GOLGB1: variants seen among roughly 807,000 people sequenced by gnomAD.
GOLGB1 encodes the protein golgin subfamily B member 1.
Under a neutral mutation model 336.9 loss-of-function variants are expected in GOLGB1, and 174 were observed. That is an observed-to-expected ratio of 0.52 (90% CI 0.46 to 0.59). The LOEUF is 0.59. Ranked by LOEUF, GOLGB1 falls within the 20% of genes least tolerant of loss-of-function variation. GOLGB1 has a pLI of 0.00. For synonymous variants in GOLGB1, 1,208 were observed against 1,289.2 expected, an observed-to-expected ratio of 0.94 and a Z score of 1.35; for missense variants, 3,331 against 3,645.3, an observed-to-expected ratio of 0.91 and a Z score of 2.22.
rs1053577076 is a variant in GOLGB1 at position 121,663,875 on chromosome 3, G to C, written c.*605C>G. On this transcript the variant is annotated 3_prime_UTR_variant, in exon 22 of 22. Coordinates refer to ENST00000614479, the MANE Select transcript of GOLGB1 (RefSeq NM_001366282.2). The stretch of plus-strand genomic sequence containing the variant: ...TGAAATTCTCCCTCCAATTATATCT[G>C]AAATTGGCAGGGAAGAAGATGCTGT... 6.5e-6 allele frequency: 1 copy of C among 153,260 alleles called. No individual in the cohort carries two copies. The highest frequency in any genetic ancestry group is 6.4e-5 in the Admixed American group (1 of 15,528). 9.5% of individuals were successfully genotyped at this position (153,260 alleles called of 1,614,324 possible).
In GOLGB1 at chr3:121,726,929, G is replaced by T. The variant is rs1238381839; in HGVS notation, c.515C>A (p.Ala172Glu). 2.5e-6 allele frequency: 4 copies of T among 1,601,348 alleles called. No homozygotes were observed. Among genetic ancestry groups the T allele is most frequent in the South Asian group, 1.1e-5 (1 of 89,554 alleles). The change falls in exon 5 of 22, where the codon GCA becomes GAA. Residue 172 changes from alanine (A) to glutamate (E), a missense_variant. Coordinates refer to ENST00000614479, the MANE Select transcript of GOLGB1 (RefSeq NM_001366282.2). ...CACCCCTACCTGTGCAGGTTGTTCT[G>T]CCTGTGCCTGAGTAAGCTGGGCTTG... The part of the protein sequence containing the change: ...TLQAQLTQAQ[A>E]EQPAQSSTEM...
intron 10 of GOLGB1, among the ~76,000 whole-genome samples, chr3:121,703,617 CCTCT>C (rs1200101535): frequency 6.6e-6 from 1 of 152,174 alleles, no homozygotes; most frequent in Non-Finnish European, 1.5e-5. Flanking sequence ...AGTTTTGATG[CCTCT>C]CTATCATAGG....
chr3:121,727,003 T>C lies in GOLGB1; in HGVS notation c.441A>G (p.Glu147=). The C allele has an allele frequency of 6.3e-7, 1 of 1,598,594 alleles. No individual in the cohort carries two copies. Among genetic ancestry groups the C allele is most frequent in the South Asian group, 1.1e-5 (1 of 90,072 alleles). ...TCTCCTGGAGCTTATGTTTTATCTT[T>C]TCTATTTCCATCTCTTCCTCTGTAG... ...KSSTEEEMEI[E]KIKHKLQEKE... The change falls in exon 5 of 22, where the codon GAA becomes GAG. Residue 147 remains glutamate, a synonymous_variant. Coordinates refer to ENST00000614479, the MANE Select transcript of GOLGB1 (RefSeq NM_001366282.2).
At chr3:121,743,056 G>C (rs1188095298) in intron 1 of GOLGB1, among the ~76,000 whole-genome samples, 1 of 152,174 alleles carries the variant, frequency 6.6e-6, no homozygotes, top group African/African-American at 2.4e-5. Context: ...AAGACAGTGT[G>C]GCAATTCCTC....
rs1005114988 is a variant in GOLGB1, at chr3:121,689,015, G to T, written c.8694+1655C>A. ...CAGCCACCCCCTCCGGGAGGGAGGTGGGGGGGTCAGCCCCCCGCCCAGCCA... is the reference window on the plus strand; with the variant it reads ...CAGCCACCCCCTCCGGGAGGGAGGTTGGGGGGTCAGCCCCCCGCCCAGCCA... On this transcript the variant is annotated intron_variant, in intron 14 of 21. Coordinates refer to ENST00000614479, the MANE Select transcript of GOLGB1 (RefSeq NM_001366282.2). Among the ~76,000 whole-genome samples, 8 of 150,610 alleles carry T rather than the reference G, an allele frequency of 5.3e-5. No individual in the cohort carries two copies. In the East Asian group the frequency reaches 1.4e-3, roughly 26 times the overall value.
chr3:121,727,320 A>ATATATTTTT (rs1365310516), intron 4 of GOLGB1, among the ~76,000 whole-genome samples: 3 of 28,636 alleles, frequency 1.0e-4, no homozygotes, highest in Admixed American at 7.2e-4. Flanking sequence ...ATATATATAT[A>ATATATTTTT]TTTTTTTTTT....
chr3:121,677,222 G>A, intron 16 of GOLGB1, 63 bp downstream of exon 16: 3 of 1,328,378 alleles, frequency 2.3e-6, no homozygotes, highest in Non-Finnish European at 3.2e-6. Flanking sequence ...ACAAAACCCT[G>A]CAATCATCAT....
rs776200780 is a variant in GOLGB1 at position 121,697,657 on chromosome 3, C to T, written c.2866G>A (p.Glu956Lys). The T allele has an allele frequency of 1.6e-5, 26 of 1,612,424 alleles. No individual in the cohort carries two copies. The highest frequency in any genetic ancestry group is 2.7e-5 in the African/African-American group (2 of 74,786). Residue 956 changes from glutamate (E) to lysine (K), a missense_variant, in exon 13 of 22, where the codon GAA becomes AAA. By Grantham distance (56) the Glu-to-Lys change is moderately conservative (BLOSUM62 1). Coordinates refer to ENST00000614479, the MANE Select transcript of GOLGB1 (RefSeq NM_001366282.2). ...AGGCCAGAAGAAACTTCATTATCTT[C>T]TTCCACCTGCTCTTTTTTTGCTTCC... is the stretch of plus-strand genomic sequence containing the variant. ...AEEAKKEQVE[E>K]DNEVSSGLKQ...
At position 121,697,959 on chromosome 3, in the gene GOLGB1, C is replaced by T. The variant is rs1289239413; in HGVS notation, c.2564G>A (p.Gly855Glu). The change falls in exon 13 of 22, where the codon GGG (glycine) becomes GAG (glutamate). Residue 855 changes from glycine to glutamate, a missense_variant. Physicochemically the swap from Gly to Glu is moderately conservative, Grantham distance 98. Transcript: ENST00000614479. ...LQNKESEVLE[G>E]AERVRHISSK... The stretch of plus-strand genomic sequence containing the variant: ...TGAGATATGCCTTACACGTTCTGCC[C>T]CCTCAAGCACTTCACTTTCCTTATT... 6.2e-7 allele frequency: 1 copy of T among 1,613,984 alleles called. No homozygotes were observed. The highest frequency in any genetic ancestry group is 8.5e-7 in the Non-Finnish European group (1 of 1,180,006).
chr3:121,745,260 ATC>A, intron 1 of GOLGB1, among the ~76,000 whole-genome samples: 1 of 151,966 alleles, frequency 6.6e-6, no homozygotes, highest in Non-Finnish European at 1.5e-5. Context: ...ATAGTCATAA[ATC>A]TATGTATGTA....
In GOLGB1 at chr3:121,667,563, T is replaced by C; in HGVS notation, c.9467A>G (p.Asn3156Ser). The change falls in exon 20 of 22, where the codon AAT becomes AGT. Residue 3156 changes from asparagine to serine, a missense_variant. Transcript: ENST00000614479. Reference protein sequence around the residue: ...QQLCNTRQEVNELRKLLEEER... With the variant: ...QQLCNTRQEVSELRKLLEEER... ...TTCTTCCAGCAGCTTCCTTAATTCA[T>C]TCACTTCCTGTCTGGTGTTGCATAG... The C allele has an allele frequency of 6.2e-7, 1 of 1,614,080 alleles. No individual in the cohort carries two copies. Among genetic ancestry groups the C allele is most frequent in the Non-Finnish European group, 8.5e-7 (1 of 1,179,910 alleles).
At chr3:121,690,472 G>A (rs920742194) in intron 14 of GOLGB1, among the ~76,000 whole-genome samples, 198 bp downstream of exon 14, 3 of 151,992 alleles carry the variant, frequency 2.0e-5, no homozygotes, top group African/African-American at 4.8e-5. Flanking sequence ...TTTTTCTAAT[G>A]GTATTGGCAG....
rs753632257 is a variant in GOLGB1, at chr3:121,681,857, T to G, written c.8703A>C (p.Glu2901Asp). 6.3e-7 allele frequency: 1 copy of G among 1,596,234 alleles called. No homozygotes were observed. The highest frequency in any genetic ancestry group is 1.1e-5 in the South Asian group (1 of 89,940). Residue 2901 changes from glutamate to aspartate, a missense_variant, in exon 15 of 22, where the codon GAA (glutamate) becomes GAC (aspartate). Transcript: ENST00000614479. Reference sequence around the variant, plus strand: ...AGTATTGCTGCTGCAGATTCTTCAATTCCTTCAGCTTTAACCAAAGGGAAA... The same window carrying G: ...AGTATTGCTGCTGCAGATTCTTCAAGTCCTTCAGCTTTAACCAAAGGGAAA... Reference protein sequence around the residue: ...LQNDRDRLLKELKNLQQQYLQ... With the variant: ...LQNDRDRLLKDLKNLQQQYLQ...
rs1442726791 is a variant in GOLGB1, at chr3:121,694,220, T to G, written c.6303A>C (p.Ala2101=). ...GTTCCTTTTTCAACTTGAGATTGTCTGCTAGGACCCTTGCTGCTTCACTTT... is the reference window on the plus strand; with the variant it reads ...GTTCCTTTTTCAACTTGAGATTGTCGGCTAGGACCCTTGCTGCTTCACTTT... The part of the protein sequence containing the change: ...DTQSEAARVL[A]DNLKLKKELQ... The change falls in exon 13 of 22, where the codon GCA becomes GCC. Residue 2101 remains alanine (A), a synonymous_variant. Coordinates refer to ENST00000614479, the MANE Select transcript of GOLGB1 (RefSeq NM_001366282.2). The G allele has an allele frequency of 1.2e-6, 2 of 1,611,872 alleles. No homozygotes were observed. The highest frequency in any genetic ancestry group is 3.3e-5 in the Admixed American group (2 of 60,034).
chr3:121,664,591 C>T lies in GOLGB1; in HGVS notation c.9684G>A (p.Lys3228=), dbSNP rs1392998778. 6.2e-7 allele frequency: 1 copy of T among 1,613,952 alleles called. No homozygotes were observed. Among genetic ancestry groups the T allele is most frequent in the South Asian group, 1.1e-5 (1 of 91,076 alleles). Residue 3228 remains lysine (K), a synonymous_variant, in exon 22 of 22, where the codon AAG becomes AAA. Transcript: ENST00000614479. ...AATGACAGAGTGAACGCAGGACTCG[C>T]TTCCATCCAACGCCACTCCGGGTCT... The part of the protein sequence containing the change: ...CRRTRSGVGW[K]RVLRSLCHSR...
In GOLGB1 at chr3:121,714,987, GA is replaced by G. The variant is rs761099801; in HGVS notation, c.1289-12del. 2.3e-5 allele frequency: 32 copies of G among 1,384,174 alleles called. No individual in the cohort carries two copies. The highest frequency in any genetic ancestry group is 2.9e-5 in the Non-Finnish European group (28 of 976,470). 85.7% of individuals were successfully genotyped at this position (1,384,174 alleles called of 1,614,324 possible). Reference sequence around the variant, plus strand: ...TTTGCTGGAGCTGATCTAAGGAAAAGAAAAAAAATAAATGTAATATTTGCTT... The same window carrying G: ...TTTGCTGGAGCTGATCTAAGGAAAAGAAAAAAATAAATGTAATATTTGCTT... On this transcript the variant is annotated splice_polypyrimidine_tract_variant and intron_variant, in intron 9 of 21. Transcript: ENST00000614479.
At chr3:121,683,823 C>T (rs1251089538) in intron 14 of GOLGB1, among the ~76,000 whole-genome samples, 2 of 151,914 alleles carry the variant, frequency 1.3e-5, no homozygotes, top group Middle Eastern at 3.2e-3. Flanking sequence ...CCACCATTAG[C>T]CTTAGAAAGA....
chr3:121,746,960 C>T (rs913017770), intron 1 of GOLGB1, among the ~76,000 whole-genome samples: 1 of 151,006 alleles, frequency 6.6e-6, no homozygotes, highest in Non-Finnish European at 1.5e-5. Flanking sequence ...TCTCATTATC[C>T]AATATTCTTT....
Position 121,698,134 on chromosome 3 carries a change from T to G in GOLGB1, c.2389A>C (p.Asn797His). The G allele has an allele frequency of 1.3e-5, 21 of 1,613,894 alleles. No homozygotes were observed. Among genetic ancestry groups the G allele is most frequent in the Non-Finnish European group, 1.7e-5 (20 of 1,179,948 alleles). Residue 797 changes from asparagine to histidine, a missense_variant, in exon 13 of 22, where the codon AAC (asparagine) becomes CAC (histidine). Physicochemically the swap from Asn to His is moderately conservative, Grantham distance 68. Coordinates refer to ENST00000614479, the MANE Select transcript of GOLGB1 (RefSeq NM_001366282.2). ...LDYESQTAHD[N>H]LLTEQIHSLS... The stretch of plus-strand genomic sequence containing the variant: ...CTATGGATCTGTTCAGTGAGCAGGT[T>G]GTCATGGGCAGTTTGGCTTTCATAA...
Sources: gnomAD v4.1 joint callset for allele counts (sites outside exome capture counted in the v4.1 genomes callset) on GRCh38, gnomAD v4.1.1 for gene constraint, MANE v1.5 for transcripts, NCBI Gene and HGNC (gene_info 2026-07-23, HGNC 2026-07-21) for gene names.